SYT14: variants seen among roughly 807,000 people sequenced by gnomAD.
The protein encoded by SYT14 is synaptotagmin 14.
Under a neutral mutation model 74.2 loss-of-function variants are expected in SYT14, and 32 were observed. That is an observed-to-expected ratio of 0.43 (90% CI 0.33 to 0.58). SYT14 has a LOEUF of 0.58. Among genes scored for constraint, SYT14 ranks in the 20% least tolerant of loss-of-function variants. The probability of loss-of-function intolerance (pLI) is 0.05; values close to 1 mark genes in which losing one functional copy is unlikely to be tolerated. For synonymous variants in SYT14, 298 were observed against 337.7 expected, an observed-to-expected ratio of 0.88 and a Z score of 1.29; for missense variants, 791 against 981.8, an observed-to-expected ratio of 0.81 and a Z score of 2.60.
Position 210,162,299 on chromosome 1 carries a change from G to A in SYT14, c.*1257G>A, listed in dbSNP as rs10436975. On this transcript the variant is annotated 3_prime_UTR_variant, in exon 10 of 10. Coordinates refer to ENST00000637265, the Ensembl canonical transcript of SYT14. ...GTTGTATTTGCAAAATTAAGCCTTC[G>A]ATTTTTATAAATGTAAAGATTCCTC... 5.3e-3 allele frequency: 2,330 copies of A among 441,752 alleles called. 39 individuals carry two copies. The highest frequency in any genetic ancestry group is 0.041 in the African/African-American group (2,047 of 49,502). 27.4% of individuals were successfully genotyped at this position (441,752 alleles called of 1,614,324 possible). A position where few individuals can be genotyped will look rare whatever the true frequency, so the allele number is the denominator to read the frequency against.
chr1:209,939,747 C>CCA, intron 1 of SYT14, among the ~76,000 whole-genome samples: 1 of 152,312 alleles, frequency 6.6e-6, no homozygotes, highest in East Asian at 1.9e-4. Flanking sequence ...TACCACACTA[C>CCA]CACACCACGT....
chr1:210,106,045 T>A (rs945774440), intron 7 of SYT14, among the ~76,000 whole-genome samples: 3 of 152,174 alleles, frequency 2.0e-5, no homozygotes, highest in Non-Finnish European at 4.4e-5. Flanking sequence ...TTTAACAACA[T>A]AAGAATGGCC....
chr1:210,125,449 T>C (rs2082550441), intron 7 of SYT14, among the ~76,000 whole-genome samples: 1 of 152,234 alleles, frequency 6.6e-6, no homozygotes, highest in South Asian at 2.1e-4. Context: ...CCGCTTCATG[T>C]GCACTAAGAG....
At chr1:209,998,359 A>G (rs987146673) in intron 2 of SYT14, among the ~76,000 whole-genome samples, 1 of 152,172 alleles carries the variant, frequency 6.6e-6, no homozygotes, top group Non-Finnish European at 1.5e-5. Context: ...TAATATTATT[A>G]AAATGACCAT....
At chr1:210,052,120 T>C (rs1188712720) in intron 5 of SYT14, among the ~76,000 whole-genome samples, 1 of 152,230 alleles carries the variant, frequency 6.6e-6, no homozygotes, top group Non-Finnish European at 1.5e-5. Flanking sequence ...TTGGTTAAGT[T>C]ACTCTTTAAG....
chr1:210,114,558 T>A (rs2082322324), intron 7 of SYT14, among the ~76,000 whole-genome samples: 1 of 151,260 alleles, frequency 6.6e-6, no homozygotes, highest in Non-Finnish European at 1.5e-5. Context: ...CTTCAGGGTC[T>A]GGGGCTGTAA....
intron 1 of SYT14, among the ~76,000 whole-genome samples, chr1:209,949,666 G>A (rs1261283510): frequency 6.6e-6 from 1 of 151,828 alleles, no homozygotes; most frequent in African/African-American, 2.4e-5. Flanking sequence ...TAAAAGCAGG[G>A]TTTTCTTGAA....
intron 5 of SYT14, among the ~76,000 whole-genome samples, chr1:210,038,066 C>T: frequency 1.0e-5 from 1 of 97,000 alleles, no homozygotes; most frequent in South Asian, 2.8e-4. Context: ...TATTGTATTG[C>T]TGTCTGTCTC....
At chr1:210,129,109 T>A (rs1447154807) in intron 7 of SYT14, among the ~76,000 whole-genome samples, 1 of 152,198 alleles carries the variant, frequency 6.6e-6, no homozygotes, top group East Asian at 1.9e-4. Flanking sequence ...TCCCCTACCA[T>A]CATTTAATCA....
At chr1:209,974,700 T>G (rs1054010800) in intron 2 of SYT14, among the ~76,000 whole-genome samples, 26 of 152,088 alleles carry the variant, frequency 1.7e-4, no homozygotes, top group Admixed American at 1.7e-3. Flanking sequence ...TGCGGGCTCT[T>G]TTTTGGTTCC....
intron 2 of SYT14, among the ~76,000 whole-genome samples, chr1:210,009,753 C>A (rs1324827982): frequency 6.6e-6 from 1 of 152,142 alleles, no homozygotes; most frequent in Non-Finnish European, 1.5e-5. Context: ...GTTGGCATTT[C>A]CAGTGTAGCA....
intron 7 of SYT14, among the ~76,000 whole-genome samples, chr1:210,101,029 G>A (rs2082055483): frequency 6.6e-6 from 1 of 152,074 alleles, no homozygotes; most frequent in Non-Finnish European, 1.5e-5. Flanking sequence ...GAACCCTTAA[G>A]CTTAGTACTT....
intron 7 of SYT14, among the ~76,000 whole-genome samples, chr1:210,116,503 T>G (rs1001574970): frequency 6.6e-6 from 1 of 152,156 alleles, no homozygotes; most frequent in Non-Finnish European, 1.5e-5. Flanking sequence ...TGCGCCACCA[T>G]GTCCGGCTAA....
At chr1:210,020,557 C>T (rs538978290) in intron 4 of SYT14, among the ~76,000 whole-genome samples, 193 of 152,158 alleles carry the variant, frequency 1.3e-3, no homozygotes, top group African/African-American at 4.5e-3. Flanking sequence ...GAGCATTATC[C>T]GTTTTGAAAA....
At chr1:209,985,569 T>C (rs2079556986) in intron 2 of SYT14, among the ~76,000 whole-genome samples, 1 of 152,234 alleles carries the variant, frequency 6.6e-6, no homozygotes, top group Non-Finnish European at 1.5e-5. Flanking sequence ...CTCTGGAGTC[T>C]GGAGAACAGC....
intron 2 of SYT14, among the ~76,000 whole-genome samples, chr1:209,958,387 T>G (rs1184251563): frequency 2.6e-5 from 4 of 152,046 alleles, no homozygotes; most frequent in African/African-American, 9.7e-5. Flanking sequence ...ATTTTCCATA[T>G]AAAGTTCAGA....
At chr1:210,023,378 C>T (rs2080342217) in intron 5 of SYT14, among the ~76,000 whole-genome samples, 1 of 152,164 alleles carries the variant, frequency 6.6e-6, no homozygotes, top group South Asian at 2.1e-4. Context: ...GAGTCTGACT[C>T]TGTTGCCCAG....
chr1:209,955,597 C>T (rs2078980638), intron 2 of SYT14, among the ~76,000 whole-genome samples: 1 of 152,108 alleles, frequency 6.6e-6, no homozygotes, highest in African/African-American at 2.4e-5. Context: ...TTTTTATCTC[C>T]TTTCACTAAG....
intron 5 of SYT14, among the ~76,000 whole-genome samples, chr1:210,026,885 A>T (rs926422954): frequency 6.6e-6 from 1 of 152,144 alleles, no homozygotes; most frequent in Non-Finnish European, 1.5e-5. Flanking sequence ...AAAGTGGAAA[A>T]GTACTAAAAA....
Sources: gnomAD v4.1 joint callset for allele counts (sites outside exome capture counted in the v4.1 genomes callset) on GRCh38, gnomAD v4.1.1 for gene constraint, MANE v1.5 for transcripts, NCBI Gene and HGNC (gene_info 2026-07-23, HGNC 2026-07-21) for gene names.